The following LIMA1 variants were observed in gnomAD, a reference collection of about 807,000 sequenced individuals.
LIMA1 encodes LIM domain and actin binding 1.
A neutral mutation model predicts 62.6 loss-of-function variants in LIMA1; 52 were observed. That is an observed-to-expected ratio of 0.83 (90% CI 0.67 to 1.05). LIMA1 has a LOEUF of 1.05. LIMA1 is among the 50% of genes least tolerant of loss of function. LIMA1 has a pLI of 0.00. For synonymous variants in LIMA1, 302 were observed against 317.8 expected, an observed-to-expected ratio of 0.95 and a Z score of 0.53; for missense variants, 780 against 902.2, an observed-to-expected ratio of 0.86 and a Z score of 1.74.
intron 9 of LIMA1, 75 bp downstream of exon 9, chr12:50,192,377 C>A: frequency 9.7e-7 from 1 of 1,025,952 alleles, no homozygotes; most frequent in South Asian, 1.3e-5. Context: ...TAATCAACAT[C>A]ATCATCATAA....
intron 10 of LIMA1, among the ~76,000 whole-genome samples, chr12:50,180,971 G>A (rs147568727): frequency 1.3e-5 from 2 of 151,916 alleles, no homozygotes; most frequent in South Asian, 2.1e-4. Context: ...AATTAGCTGG[G>A]TGTGGTGGCG....
chr12:50,262,039 T>C (rs961990739), intron 1 of LIMA1, among the ~76,000 whole-genome samples: 1 of 152,146 alleles, frequency 6.6e-6, no homozygotes, highest in African/African-American at 2.4e-5. Flanking sequence ...CCAAAATAAA[T>C]CATTCCAAGG....
intron 2 of LIMA1, among the ~76,000 whole-genome samples, chr12:50,234,955 G>A (rs1389499555): frequency 1.3e-5 from 2 of 152,034 alleles, no homozygotes; most frequent in African/African-American, 4.8e-5. Flanking sequence ...AGGCTGCAGC[G>A]AGCTACGATC....
chr12:50,183,863 CTGTT>C (rs1940568173), intron 9 of LIMA1, among the ~76,000 whole-genome samples: 2 of 142,832 alleles, frequency 1.4e-5, no homozygotes, highest in Non-Finnish European at 3.0e-5. Context: ...AAAATTCAGA[CTGTT>C]GGTTCACTTG....
rs765004325 is a variant in LIMA1, at chr12:50,177,207, T to C, written c.2137A>G (p.Asn713Asp). Reference sequence around the variant, plus strand: ...GTAGTGAATTCTTCAGCAAAGGTGTTGTCTACAAAACTCGACCAATTCAGA... The same window carrying C: ...GTAGTGAATTCTTCAGCAAAGGTGTCGTCTACAAAACTCGACCAATTCAGA... ...KSLNWSSFVD[N>D]TFAEEFTTQN... Residue 713 changes from asparagine (N) to aspartate (D), a missense_variant, in exon 11 of 11, where the codon AAC (asparagine) becomes GAC (aspartate). By Grantham distance (23) the Asn-to-Asp change is conservative. Transcript: ENST00000341247. 16 of 1,614,140 alleles carry C rather than the reference T, an allele frequency of 9.9e-6. No homozygotes were observed. The highest frequency in any genetic ancestry group is 1.4e-5 in the Non-Finnish European group (16 of 1,180,026).
Position 50,201,383 on chromosome 12 carries a change from A to G in LIMA1, c.865-499T>C, listed in dbSNP as rs905644974. ...AAAAACTGAAATTATATTTAATGAT[A>G]CCATAAAGAAACCTTTTTGGTGGGA... On this transcript the variant is annotated intron_variant, in intron 6 of 10. Coordinates refer to ENST00000341247, the MANE Select transcript of LIMA1 (RefSeq NM_016357.5). 24 of 983,948 alleles carry G rather than the reference A, an allele frequency of 2.4e-5. No homozygotes were observed. In the East Asian group the frequency reaches 2.0e-3, roughly 84 times the overall value. 61.0% of individuals were successfully genotyped at this position (983,948 alleles called of 1,614,324 possible).
Position 50,205,975 on chromosome 12 carries a change from T to G in LIMA1, c.715+9A>C. On this transcript the variant is annotated intron_variant, in intron 5 of 10. Transcript: ENST00000341247. ...AAAGGACCTCATACACATGGAACTC[T>G]CTGCTTACCTGGGCCTATTTCCAGG... 1 of 1,606,684 alleles carries G rather than the reference T, an allele frequency of 6.2e-7. No individual in the cohort carries two copies. Among genetic ancestry groups the G allele is most frequent in the East Asian group, 2.2e-5 (1 of 44,718 alleles).
chr12:50,229,436 G>A (rs1409629542), intron 3 of LIMA1, among the ~76,000 whole-genome samples: 2 of 151,984 alleles, frequency 1.3e-5, no homozygotes, highest in African/African-American at 4.8e-5. Context: ...GCAAACTATC[G>A]CAAGGACAAA....
In LIMA1 at chr12:50,176,080, A is replaced by T. The variant is rs937882265; in HGVS notation, c.*984T>A. The T allele has an allele frequency of 2.0e-5, 3 of 152,196 alleles. No homozygotes were observed. Among genetic ancestry groups the T allele is most frequent in the Non-Finnish European group, 4.4e-5 (3 of 68,038 alleles). 9.4% of individuals were successfully genotyped at this position (152,196 alleles called of 1,614,324 possible). A position where few individuals can be genotyped will look rare whatever the true frequency, so the allele number is the denominator to read the frequency against. On this transcript the variant is annotated 3_prime_UTR_variant, in exon 11 of 11. Coordinates refer to ENST00000341247, the MANE Select transcript of LIMA1 (RefSeq NM_016357.5). ...AATTTCACCCTGAGAATACTGTGAT[A>T]AAAATCAATATATTTCAGAGCTAGT...
rs905879105 is a variant in LIMA1, at chr12:50,217,153, T to C, written c.630+4868A>G. Among the ~76,000 whole-genome samples, 6 of 151,822 alleles carry C rather than the reference T, an allele frequency of 4.0e-5. No individual in the cohort carries two copies. The South Asian group carries it at 6.2e-4, about 16-fold the overall frequency. On this transcript the variant is annotated intron_variant, in intron 4 of 10. Transcript: ENST00000341247. ...TCTAGTAGCAAACATAAAACTATCC[T>C]GACTTAAAAAGCCAACATTGTTCTT...
rs1940796754 is a variant in LIMA1, at chr12:50,192,428, C to G, written c.1140+24G>C. On this transcript the variant is annotated intron_variant, in intron 9 of 10. Transcript: ENST00000341247. ...CTACCAGTAGACCAATGTCCAAAGG[C>G]TCAGAGAGAAATTGCCATCATACCT... 9 of 1,457,678 alleles carry G rather than the reference C, an allele frequency of 6.2e-6. No homozygotes were observed. In the East Asian group the frequency reaches 1.8e-4, roughly 29 times the overall value. 90.3% of individuals were successfully genotyped at this position (1,457,678 alleles called of 1,614,324 possible).
intron 10 of LIMA1, among the ~76,000 whole-genome samples, chr12:50,180,832 G>A (rs1228452088): frequency 1.3e-5 from 2 of 152,088 alleles, no homozygotes; most frequent in Non-Finnish European, 1.5e-5. Context: ...GGTGCTTTAA[G>A]CCAGGCACAG....
chr12:50,256,810 C>CA (rs1209405518), intron 1 of LIMA1, among the ~76,000 whole-genome samples: 9 of 151,686 alleles, frequency 5.9e-5, no homozygotes, highest in East Asian at 1.9e-4. Context: ...AAAGACAAAA[C>CA]AAAAAAAAGT....
chr12:50,278,869 T>A (rs1382674245), intron 1 of LIMA1, among the ~76,000 whole-genome samples: 1 of 152,148 alleles, frequency 6.6e-6, no homozygotes, highest in Admixed American at 6.6e-5. Context: ...TTTATGTGAG[T>A]GTGTGTATAT....
chr12:50,219,878 G>A (rs1941412271), intron 4 of LIMA1: 1 of 152,038 alleles, frequency 6.6e-6, no homozygotes, highest in East Asian at 1.9e-4. Context: ...TAGAGACGAG[G>A]TCTGGCTATG....
intron 2 of LIMA1, among the ~76,000 whole-genome samples, chr12:50,239,529 T>C (rs535323471): frequency 6.6e-6 from 1 of 152,248 alleles, no homozygotes; most frequent in African/African-American, 2.4e-5. Flanking sequence ...TAGTTTCAGC[T>C]ACTCGGAGAC....
intron 7 of LIMA1, among the ~76,000 whole-genome samples, chr12:50,196,717 GATGT>G (rs1940937677): frequency 6.6e-6 from 1 of 152,110 alleles, no homozygotes. Flanking sequence ...TTTATATCAG[GATGT>G]CTGACAAACT....
At chr12:50,241,597 C>G in intron 2 of LIMA1, among the ~76,000 whole-genome samples, 1 of 152,214 alleles carries the variant, frequency 6.6e-6, no homozygotes, top group East Asian at 1.9e-4. Flanking sequence ...CAAACCCCTA[C>G]TCAAATATCT....
chr12:50,253,665 AAG>A (rs796118268), intron 1 of LIMA1, among the ~76,000 whole-genome samples: 6 of 152,142 alleles, frequency 3.9e-5, no homozygotes, highest in African/African-American at 1.2e-4. Context: ...GGAAACTTAA[AAG>A]TTATCCTGGG....
Sources: gnomAD v4.1 joint callset for allele counts (sites outside exome capture counted in the v4.1 genomes callset) on GRCh38, gnomAD v4.1.1 for gene constraint, MANE v1.5 for transcripts, NCBI Gene and HGNC (gene_info 2026-07-23, HGNC 2026-07-21) for gene names.